Variants in GRM1 observed in about 807,000 individuals in gnomAD.
GRM1 encodes glutamate metabotropic receptor 1.
A neutral mutation model predicts 90.9 loss-of-function variants in GRM1; 33 were observed. That is an observed-to-expected ratio of 0.36 (90% CI 0.28 to 0.49). The LOEUF (loss-of-function observed/expected upper bound fraction) is 0.49. Among genes scored for constraint, GRM1 ranks in the 20% least tolerant of loss-of-function variants. The probability of loss-of-function intolerance (pLI) is 0.99; values close to 1 mark genes in which losing one functional copy is unlikely to be tolerated. For missense variants in GRM1, 1,190 were observed against 1,534.3 expected (o/e 0.78, Z 3.75); for synonymous variants, 700 against 613.2 (o/e 1.14, Z -2.09).
At chr6:146,080,516 AG>A (rs1254456883) in intron 1 of GRM1, among the ~76,000 whole-genome samples, 1 of 152,128 alleles carries the variant, frequency 6.6e-6, no homozygotes, top group Non-Finnish European at 1.5e-5. Context: ...TGATGAGAGA[AG>A]GGAGGAAGTT....
chr6:146,128,026 C>T (rs907267242), intron 1 of GRM1, among the ~76,000 whole-genome samples: 1 of 152,136 alleles, frequency 6.6e-6, no homozygotes, highest in Non-Finnish European at 1.5e-5. Flanking sequence ...CAGAATGTGG[C>T]TGGAAGGTCT....
chr6:146,409,058 C>A (rs150339008), intron 7 of GRM1, among the ~76,000 whole-genome samples: 2 of 152,094 alleles, frequency 1.3e-5, no homozygotes, highest in East Asian at 3.9e-4. Context: ...TTAAGCTAGC[C>A]TAAGCAAATG....
intron 1 of GRM1, among the ~76,000 whole-genome samples, chr6:146,070,187 C>T (rs1457138424): frequency 6.6e-6 from 1 of 151,758 alleles, no homozygotes; most frequent in African/African-American, 2.4e-5. Flanking sequence ...TTTTCTCTAA[C>T]AAGTTTATTG....
At position 146,303,656 on chromosome 6, in the gene GRM1, C is replaced by T. The variant is rs1416625095; in HGVS notation, c.951-955C>T. 2.6e-5 allele frequency among the ~76,000 whole-genome samples: 4 copies of T among 152,246 alleles called. No individual in the cohort carries two copies. The South Asian group carries it at 8.3e-4, about 32-fold the overall frequency. On this transcript the variant is annotated intron_variant, in intron 2 of 7. Coordinates refer to ENST00000282753, the MANE Select transcript of GRM1 (RefSeq NM_001278064.2). ...TGTGACAATTAGCAAACACAGATGC[C>T]TAATCACATGGGCCGACCTCGTGCC...
intron 2 of GRM1, among the ~76,000 whole-genome samples, chr6:146,176,845 T>C (rs1375272908): frequency 6.6e-6 from 1 of 151,996 alleles, no homozygotes; most frequent in Non-Finnish European, 1.5e-5. Flanking sequence ...ATAATAGAAA[T>C]ACCTGCATTC....
chr6:146,392,387 C>T (rs536763511), intron 6 of GRM1, among the ~76,000 whole-genome samples: 10 of 152,234 alleles, frequency 6.6e-5, no homozygotes, highest in Admixed American at 5.9e-4. Flanking sequence ...CTTTCTCGCA[C>T]CGTATTAGAC....
chr6:146,377,376 G>A (rs992455433), intron 5 of GRM1, among the ~76,000 whole-genome samples: 2 of 152,118 alleles, frequency 1.3e-5, no homozygotes, highest in Non-Finnish European at 2.9e-5. Context: ...TCCAGGTTGA[G>A]GTGGTCTCAG....
intron 2 of GRM1, among the ~76,000 whole-genome samples, chr6:146,202,175 A>G (rs1779319013): frequency 6.6e-6 from 1 of 152,230 alleles, no homozygotes; most frequent in African/African-American, 2.4e-5. Context: ...CACATGCTTC[A>G]TACACATCAA....
At chr6:146,383,843 G>A (rs1776404020) in intron 5 of GRM1, among the ~76,000 whole-genome samples, 1 of 152,096 alleles carries the variant, frequency 6.6e-6, no homozygotes, top group Admixed American at 6.6e-5. Context: ...TGCTCCTAGA[G>A]ATGAGGGATT....
rs147551636 is a variant in GRM1 at position 146,168,962 on chromosome 6, C to T, written c.950+9365C>T. ...TTTATGGGACTTGGGGCTTATTGAA[C>T]GTTTTAGATTAAGTGTGATCAAATT... On this transcript the variant is annotated intron_variant, in intron 2 of 7. Transcript: ENST00000282753. Among the ~76,000 whole-genome samples, 11 of 152,050 alleles carry T rather than the reference C, an allele frequency of 7.2e-5. No individual in the cohort carries two copies. The East Asian group carries it at 1.4e-3, about 19-fold the overall frequency.
chr6:146,237,842 T>C (rs1421772959), intron 2 of GRM1, among the ~76,000 whole-genome samples: 5 of 152,166 alleles, frequency 3.3e-5, no homozygotes, highest in Non-Finnish European at 4.4e-5. Context: ...AATTTCATTG[T>C]TTTACAAGGG....
At chr6:146,384,652 T>C (rs1326621773) in intron 5 of GRM1, among the ~76,000 whole-genome samples, 1 of 152,002 alleles carries the variant, frequency 6.6e-6, no homozygotes, top group Non-Finnish European at 1.5e-5. Flanking sequence ...TGTGTCACAT[T>C]ACCAGGAAGA....
chr6:146,081,737 T>A (rs1776370726), intron 1 of GRM1, among the ~76,000 whole-genome samples: 1 of 152,134 alleles, frequency 6.6e-6, no homozygotes, highest in Non-Finnish European at 1.5e-5. Context: ...GTATAATAGG[T>A]GTTGTGCGAG....
chr6:146,384,953 C>T lies in GRM1; in HGVS notation c.1603-1937C>T, dbSNP rs147607512. On this transcript the variant is annotated intron_variant, in intron 5 of 7. Coordinates refer to ENST00000282753, the MANE Select transcript of GRM1 (RefSeq NM_001278064.2). ...CAATAGGAAACAGGCAAATGAGGCA[C>T]AAAGAGAAAAAATTAAAAGCTAAAA... is the stretch of plus-strand genomic sequence containing the variant. Among the ~76,000 whole-genome samples the T allele has an allele frequency of 9.1e-4, 138 of 151,840 alleles. 1 individual carries two copies. Among genetic ancestry groups the T allele is most frequent in the African/African-American group, 3.0e-3 (126 of 41,446 alleles).
chr6:146,222,407 G>C (rs941408647), intron 2 of GRM1, among the ~76,000 whole-genome samples: 6 of 152,062 alleles, frequency 3.9e-5, no homozygotes. Flanking sequence ...GTGTTTGTGT[G>C]TCTGTGTGTG....
At chr6:146,052,190 T>A (rs1291082783) in intron 1 of GRM1, among the ~76,000 whole-genome samples, 2 of 152,110 alleles carry the variant, frequency 1.3e-5, no homozygotes, top group Non-Finnish European at 2.9e-5. Flanking sequence ...GAATTAGAGA[T>A]TGGGAGCAAT....
chr6:146,326,577 C>T (rs1784408066), intron 3 of GRM1, among the ~76,000 whole-genome samples: 1 of 151,852 alleles, frequency 6.6e-6, no homozygotes, highest in Non-Finnish European at 1.5e-5. Context: ...TGCACTTGTA[C>T]TCCTGAACTT....
intron 1 of GRM1, among the ~76,000 whole-genome samples, chr6:146,124,416 C>T (rs913601319): frequency 6.6e-6 from 1 of 152,100 alleles, no homozygotes. Flanking sequence ...TCTCTAAATT[C>T]ATTAAATATT....
At chr6:146,309,892 C>T (rs897628104) in intron 3 of GRM1, among the ~76,000 whole-genome samples, 1 of 152,124 alleles carries the variant, frequency 6.6e-6, no homozygotes, top group South Asian at 2.1e-4. Flanking sequence ...AATATTTGCT[C>T]CGGCTAGCAG....
Sources: gnomAD v4.1 joint callset for allele counts (sites outside exome capture counted in the v4.1 genomes callset) on GRCh38, gnomAD v4.1.1 for gene constraint, MANE v1.5 for transcripts, NCBI Gene and HGNC (gene_info 2026-07-23, HGNC 2026-07-21) for gene names.